The following SDHAF4 variants were observed in gnomAD, a reference collection of about 807,000 sequenced individuals.
SDHAF4 encodes succinate dehydrogenase complex assembly factor 4.
SDHAF4 carries 14 observed loss-of-function variants against 14.3 expected under a neutral mutation model. The observed-to-expected ratio is 0.98, with a 90% confidence interval of 0.65 to 1.53. The LOEUF (loss-of-function observed/expected upper bound fraction) is 1.53. Among genes scored for constraint, SDHAF4 ranks in the 40% most tolerant of loss-of-function variants. The pLI, the probability that SDHAF4 is intolerant of heterozygous loss-of-function variation, is 0.00. For missense variants in SDHAF4, 141 were observed against 129.3 expected, an observed-to-expected ratio of 1.09 and a Z score of -0.44; for synonymous variants, 63 against 47.3, an observed-to-expected ratio of 1.33 and a Z score of -1.36.
chr6:70,591,580 C>T (rs1765259118), downstream of SDHAF4, among the ~76,000 whole-genome samples: 1 of 152,068 alleles, frequency 6.6e-6, no homozygotes, highest in African/African-American at 2.4e-5. Context: ...CTGCCCGCCT[C>T]AGCCTCCCAA....
Position 70,588,842 on chromosome 6 carries a change from A to AATAAATAT in SDHAF4, c.*121_*122insAATATATA. ...TCGTGTAGTTTGTATAATGTGTTTA[A>AATAAATAT]ATATATATATATATGATGGCTTTGG... is the stretch of plus-strand genomic sequence containing the variant. On this transcript the variant is annotated 3_prime_UTR_variant, in exon 3 of 3. Transcript: ENST00000370474. 8.8e-6 allele frequency: 3 copies of AATAAATAT among 339,214 alleles called. No homozygotes were observed. The highest frequency in any genetic ancestry group is 1.0e-4 in the South Asian group (2 of 19,718). 21.0% of individuals were successfully genotyped at this position (339,214 alleles called of 1,614,324 possible). A position where few individuals can be genotyped will look rare whatever the true frequency, so the allele number is the denominator to read the frequency against.
chr6:70,595,861 A>T, the SDHAF4 span, among the ~76,000 whole-genome samples: 9 of 151,884 alleles, frequency 5.9e-5, no homozygotes, highest in Non-Finnish European at 1.3e-4. Context: ...AAGAAAAGAA[A>T]AAAAGAAAAA....
At chr6:70,574,211 T>C (rs887091037) in intron 1 of SDHAF4, among the ~76,000 whole-genome samples, 2 of 151,734 alleles carry the variant, frequency 1.3e-5, no homozygotes, top group Non-Finnish European at 2.9e-5. Flanking sequence ...ATCCCAGCTA[T>C]TGGGAGGCTG....
chr6:70,580,171 T>G (rs1802304273), intron 2 of SDHAF4, among the ~76,000 whole-genome samples: 1 of 152,112 alleles, frequency 6.6e-6, no homozygotes, highest in Non-Finnish European at 1.5e-5. Flanking sequence ...GAGTAGACAT[T>G]TCTCCAGAGA....
At chr6:70,570,593 C>T (rs1337857527) in intron 1 of SDHAF4, among the ~76,000 whole-genome samples, 1 of 140,472 alleles carries the variant, frequency 7.1e-6, no homozygotes, top group Non-Finnish European at 1.5e-5. Flanking sequence ...AGCCACCGTG[C>T]CCCCCACCAC....
At chr6:70,576,174 C>T (rs1007793261) in intron 1 of SDHAF4, among the ~76,000 whole-genome samples, 4 of 152,200 alleles carry the variant, frequency 2.6e-5, no homozygotes, top group Admixed American at 6.5e-5. Context: ...AGCTGTAAAG[C>T]CTGCAGGTGC....
intron 1 of SDHAF4, among the ~76,000 whole-genome samples, chr6:70,575,626 GTT>G (rs748198154): frequency 9.9e-5 from 15 of 152,214 alleles, no homozygotes; most frequent in Non-Finnish European, 1.9e-4. Context: ...CTTTTTAGGT[GTT>G]TTATAGCTGT....
chr6:70,569,627 T>C (rs1802155500), intron 1 of SDHAF4, among the ~76,000 whole-genome samples: 1 of 152,274 alleles, frequency 6.6e-6, no homozygotes. Flanking sequence ...AAGTGTCAAA[T>C]ACCTCAATTT....
At chr6:70,571,420 T>C (rs1802176361) in intron 1 of SDHAF4, among the ~76,000 whole-genome samples, 1 of 152,212 alleles carries the variant, frequency 6.6e-6, no homozygotes, top group African/African-American at 2.4e-5. Context: ...GTTCAAGTTA[T>C]TCTTCTGCCT....
the SDHAF4 span, among the ~76,000 whole-genome samples, chr6:70,595,145 A>C: frequency 2.6e-5 from 4 of 152,200 alleles, no homozygotes; most frequent in African/African-American, 9.6e-5. Context: ...ATGGAAGGAC[A>C]GGAACTGCTG....
downstream of SDHAF4, among the ~76,000 whole-genome samples, chr6:70,590,580 A>G (rs1457331563): frequency 6.6e-6 from 1 of 152,168 alleles, no homozygotes; most frequent in Non-Finnish European, 1.5e-5. Flanking sequence ...AACTTGACTC[A>G]CACCCTGGTT....
chr6:70,595,287 C>A, the SDHAF4 span, among the ~76,000 whole-genome samples: 2 of 152,158 alleles, frequency 1.3e-5, no homozygotes, highest in Non-Finnish European at 2.9e-5. Context: ...AAGACAGAAT[C>A]CAGTAGGCTG....
Position 70,585,909 on chromosome 6 carries a change from T to A in SDHAF4, c.218-2706T>A, listed in dbSNP as rs572224857. Among the ~76,000 whole-genome samples, 4 of 152,318 alleles carry A rather than the reference T, an allele frequency of 2.6e-5. No individual in the cohort carries two copies. In the East Asian group the frequency reaches 7.7e-4, roughly 29 times the overall value. ...TTTGGGTAATCATTCTCCTGCAGTT[T>A]CCCCGTGCTATGCAGGATAAAATAA... is the stretch of plus-strand genomic sequence containing the variant. On this transcript the variant is annotated intron_variant, in intron 2 of 2. Coordinates refer to ENST00000370474, the MANE Select transcript of SDHAF4 (RefSeq NM_145267.3).
chr6:70,568,521 G>T (rs12216376), intron 1 of SDHAF4, among the ~76,000 whole-genome samples: 26,458 of 152,102 alleles, frequency 0.17, 2,393 homozygotes, highest in Middle Eastern at 0.21. Flanking sequence ...TTGTGATTGA[G>T]TCACATTGAC....
chr6:70,590,767 T>C (rs1184950049), downstream of SDHAF4, among the ~76,000 whole-genome samples: 1 of 152,168 alleles, frequency 6.6e-6, no homozygotes. Context: ...TAACATGTAT[T>C]AGTCAGGGCT....
chr6:70,567,027 A>C (rs1473806654), intron 1 of SDHAF4, 23 bp downstream of exon 1: 1 of 1,567,768 alleles, frequency 6.4e-7, no homozygotes, highest in Non-Finnish European at 8.6e-7. Flanking sequence ...CCTCGGGGCC[A>C]CGGTCGCGGG....
At chr6:70,575,418 G>A (rs1164807291) in intron 1 of SDHAF4, among the ~76,000 whole-genome samples, 28 of 149,554 alleles carry the variant, frequency 1.9e-4, no homozygotes, top group African/African-American at 4.9e-4. Flanking sequence ...GTGAAATCCC[G>A]TGTCTACTGA....
At position 70,588,929 on chromosome 6, in the gene SDHAF4, C is replaced by A. The variant is rs547899793; in HGVS notation, c.*205C>A. 37 of 211,456 alleles carry A rather than the reference C, an allele frequency of 1.7e-4. 1 individual carries two copies. In the East Asian group the frequency reaches 2.1e-3, roughly 12 times the overall value. 13.1% of individuals were successfully genotyped at this position (211,456 alleles called of 1,614,324 possible). A position where few individuals can be genotyped will look rare whatever the true frequency, so the allele number is the denominator to read the frequency against. ...CAGCCTGACCAATATGGAGAAATCTCGCCTTTACTAAAAATACAAAATTAG... is the reference window on the plus strand; with the variant it reads ...CAGCCTGACCAATATGGAGAAATCTAGCCTTTACTAAAAATACAAAATTAG... On this transcript the variant is annotated 3_prime_UTR_variant, in exon 3 of 3. Coordinates refer to ENST00000370474, the MANE Select transcript of SDHAF4 (RefSeq NM_145267.3).
chr6:70,594,025 G>A (rs1017990083), downstream of SDHAF4, among the ~76,000 whole-genome samples: 1 of 152,098 alleles, frequency 6.6e-6, no homozygotes, highest in Non-Finnish European at 1.5e-5. Context: ...TTCCCTGCTG[G>A]GTTTCTGACT....
Sources: gnomAD v4.1 joint callset for allele counts (sites outside exome capture counted in the v4.1 genomes callset) on GRCh38, gnomAD v4.1.1 for gene constraint, MANE v1.5 for transcripts, NCBI Gene and HGNC (gene_info 2026-07-23, HGNC 2026-07-21) for gene names.